Variants in FRAS1 observed in about 807,000 individuals in gnomAD.
The protein encoded by FRAS1 is Fraser extracellular matrix complex subunit 1.
In FRAS1, 290 loss-of-function variants were observed where a neutral mutation model predicts 435.2. That is an observed-to-expected ratio of 0.67 (90% confidence interval 0.61 to 0.73). The LOEUF is 0.73. Ranked by LOEUF, FRAS1 falls within the 30% of genes least tolerant of loss-of-function variation. The probability of loss-of-function intolerance (pLI) is 0.00; values close to 1 mark genes in which losing one functional copy is unlikely to be tolerated. For synonymous variants in FRAS1, 1,800 were observed against 1,851.0 expected, an observed-to-expected ratio of 0.97 and a Z score of 0.71; for missense variants, 4,860 against 5,001.5, an observed-to-expected ratio of 0.97 and a Z score of 0.85.
intron 30 of FRAS1, among the ~76,000 whole-genome samples, chr4:78,407,354 A>G (rs1303665729): frequency 6.6e-6 from 1 of 152,214 alleles, no homozygotes; most frequent in Non-Finnish European, 1.5e-5. Flanking sequence ...GTATTTGTCT[A>G]TAGTATTTGC....
intron 2 of FRAS1, among the ~76,000 whole-genome samples, chr4:78,171,295 C>A (rs1721546588): frequency 6.6e-6 from 1 of 152,128 alleles, no homozygotes; most frequent in South Asian, 2.1e-4. Flanking sequence ...TTGCCCAAGG[C>A]CACAGGCCTA....
Position 78,507,441 on chromosome 4 carries a change from A to G in FRAS1, c.9337A>G (p.Lys3113Glu), listed in dbSNP as rs1450385658. 6.2e-7 allele frequency: 1 copy of G among 1,608,988 alleles called. No homozygotes were observed. The highest frequency in any genetic ancestry group is 1.3e-5 in the African/African-American group (1 of 74,680). ...FSPGVDHIFF[K>E]VEILSNEDRE... Reference sequence around the variant, plus strand: ...CGAAGGTGTGGATCATATCTTTTTTAAAGTTGAGATCCTGTCCAATGAAGA... The same window carrying G: ...CGAAGGTGTGGATCATATCTTTTTTGAAGTTGAGATCCTGTCCAATGAAGA... Residue 3113 changes from lysine (K) to glutamate (E), a missense_variant, in exon 62 of 74, where the codon AAA becomes GAA. Lys to Glu is a moderately conservative substitution (Grantham distance 56). Coordinates refer to ENST00000512123, the MANE Select transcript of FRAS1 (RefSeq NM_025074.7).
At chr4:78,539,897 C>CT (rs1335418040) in intron 73 of FRAS1, among the ~76,000 whole-genome samples, 2 of 152,116 alleles carry the variant, frequency 1.3e-5, no homozygotes, top group African/African-American at 4.8e-5. Context: ...TGAAATTTCA[C>CT]TTTTTTTGTC....
intron 22 of FRAS1, among the ~76,000 whole-genome samples, chr4:78,366,075 A>G (rs1365898976): frequency 6.6e-6 from 1 of 151,972 alleles, no homozygotes; most frequent in Non-Finnish European, 1.5e-5. Flanking sequence ...AGGAAATGTA[A>G]TCAGTATTAA....
At chr4:78,085,288 A>T (rs1294429414) in intron 2 of FRAS1, among the ~76,000 whole-genome samples, 1 of 152,094 alleles carries the variant, frequency 6.6e-6, no homozygotes, top group Non-Finnish European at 1.5e-5. Context: ...GGTCACTGAC[A>T]TTTCTTTTAT....
intron 11 of FRAS1, 113 bp from the exon 12 acceptor site, chr4:78,282,707 C>A: frequency 1.7e-6 from 2 of 1,168,930 alleles, no homozygotes; most frequent in Non-Finnish European, 2.5e-6. Flanking sequence ...TGGCAGAGTA[C>A]TGATTAGCTG....
chr4:78,130,555 C>T (rs10029734), intron 2 of FRAS1, among the ~76,000 whole-genome samples: 338 of 152,002 alleles, frequency 2.2e-3, no homozygotes, highest in African/African-American at 7.3e-3. Context: ...TGAAATTGTG[C>T]GAGTTGTAAC....
chr4:78,373,071 T>C (rs914283067), intron 24 of FRAS1, among the ~76,000 whole-genome samples: 3 of 152,168 alleles, frequency 2.0e-5, no homozygotes, highest in Non-Finnish European at 4.4e-5. Flanking sequence ...GAGGGCAATA[T>C]GGGAATCTTG....
chr4:78,403,041 C>T (rs181228599), intron 30 of FRAS1, among the ~76,000 whole-genome samples: 1 of 152,272 alleles, frequency 6.6e-6, no homozygotes, highest in Non-Finnish European at 1.5e-5. Context: ...TCTAAAGTTA[C>T]TATTTTTCCA....
intron 34 of FRAS1, among the ~76,000 whole-genome samples, chr4:78,423,292 G>A (rs1055671044): frequency 4.0e-5 from 6 of 151,740 alleles, no homozygotes; most frequent in East Asian, 3.9e-4. Flanking sequence ...CCAGCCTCCC[G>A]AGTAGCTGGG....
At chr4:78,089,195 C>T (rs919063094) in intron 2 of FRAS1, among the ~76,000 whole-genome samples, 2 of 148,432 alleles carry the variant, frequency 1.3e-5, no homozygotes, top group African/African-American at 2.5e-5. Context: ...AACCAAATAC[C>T]GCATGTTCTC....
chr4:78,432,488 G>A lies in FRAS1; in HGVS notation c.5101G>A (p.Val1701Ile), dbSNP rs573858490. Residue 1701 changes from valine (V) to isoleucine (I), a missense_variant, in exon 38 of 74, where the codon GTA (valine) becomes ATA (isoleucine). Val to Ile is a conservative substitution (Grantham distance 29). Coordinates refer to ENST00000512123, the MANE Select transcript of FRAS1 (RefSeq NM_025074.7). ...CACAGTGACAATGCTGGAGGTGAGAGTAGAGGTGTCCCTGTCAGAAGACCG... is the reference window on the plus strand; with the variant it reads ...CACAGTGACAATGCTGGAGGTGAGAATAGAGGTGTCCCTGTCAGAAGACCG... The part of the protein sequence containing the change: ...GLTVTMLEVR[V>I]EVSLSEDRGP... 1.1e-5 allele frequency: 17 copies of A among 1,613,240 alleles called. No homozygotes were observed. Among genetic ancestry groups the A allele is most frequent in the Admixed American group, 1.7e-5 (1 of 59,894 alleles).
intron 2 of FRAS1, among the ~76,000 whole-genome samples, chr4:78,152,247 A>G (rs1348239157): frequency 6.6e-6 from 1 of 152,094 alleles, no homozygotes; most frequent in African/African-American, 2.4e-5. Flanking sequence ...TTGGAGTGCT[A>G]TCTTCTGTGT....
At chr4:78,282,704 G>C in intron 11 of FRAS1, 116 bp from the exon 12 acceptor site, 1 of 1,104,906 alleles carries the variant, frequency 9.1e-7, no homozygotes. Context: ...ATTTGGCAGA[G>C]TACTGATTAG....
chr4:78,293,642 A>T (rs1728007732), intron 14 of FRAS1, among the ~76,000 whole-genome samples: 1 of 152,216 alleles, frequency 6.6e-6, no homozygotes, highest in African/African-American at 2.4e-5. Flanking sequence ...GCCATTCAGA[A>T]GGGAAGACAA....
chr4:78,299,948 A>G (rs1228336383), intron 14 of FRAS1, among the ~76,000 whole-genome samples: 2 of 152,280 alleles, frequency 1.3e-5, no homozygotes, highest in East Asian at 3.9e-4. Flanking sequence ...CGTGCCTTAC[A>G]TGTGTCTTTG....
intron 2 of FRAS1, among the ~76,000 whole-genome samples, chr4:78,233,261 A>G (rs1437056702): frequency 6.6e-6 from 1 of 152,218 alleles, no homozygotes; most frequent in Non-Finnish European, 1.5e-5. Context: ...GTGGCCAACC[A>G]ATGTCTGGCT....
intron 70 of FRAS1, among the ~76,000 whole-genome samples, 183 bp from the exon 71 acceptor site, chr4:78,534,266 A>G (rs1721815438): frequency 6.6e-6 from 1 of 152,214 alleles, no homozygotes; most frequent in Non-Finnish European, 1.5e-5. Context: ...TTTCTGTTCA[A>G]AAGAAATAAC....
chr4:78,435,527 T>C (rs1734385323), intron 38 of FRAS1, among the ~76,000 whole-genome samples: 1 of 152,072 alleles, frequency 6.6e-6, no homozygotes, highest in South Asian at 2.1e-4. Flanking sequence ...TCATTTGAGG[T>C]CAGGAGTTTG....
Sources: gnomAD v4.1 joint callset for allele counts (sites outside exome capture counted in the v4.1 genomes callset) on GRCh38, gnomAD v4.1.1 for gene constraint, MANE v1.5 for transcripts, NCBI Gene and HGNC (gene_info 2026-07-23, HGNC 2026-07-21) for gene names.